The following UBE2R2 variants were observed in gnomAD, a reference collection of about 807,000 sequenced individuals.
UBE2R2 encodes the protein ubiquitin-conjugating enzyme E2 R2.
UBE2R2 carries 1 observed loss-of-function variant against 27.8 expected under a neutral mutation model. The observed-to-expected ratio is 0.04, with a 90% confidence interval of 0.01 to 0.17. The LOEUF is 0.17. UBE2R2 is among the 10% of genes least tolerant of loss of function. The pLI, the probability that UBE2R2 is intolerant of heterozygous loss-of-function variation, is 1.00. For missense variants in UBE2R2, 100 were observed against 291.0 expected, an observed-to-expected ratio of 0.34 and a Z score of 4.78; for synonymous variants, 106 against 113.3, an observed-to-expected ratio of 0.94 and a Z score of 0.41.
chr9:33,832,357 C>CT (rs2130727761), intron 1 of UBE2R2, among the ~76,000 whole-genome samples: 1 of 144,924 alleles, frequency 6.9e-6, no homozygotes, highest in African/African-American at 2.5e-5. Context: ...TTTGGTTGAA[C>CT]TTTAATCAAA....
intron 1 of UBE2R2, among the ~76,000 whole-genome samples, chr9:33,876,634 G>C (rs1379240998): frequency 2.6e-5 from 4 of 152,096 alleles, no homozygotes; most frequent in Admixed American, 6.6e-5. Flanking sequence ...TCAATCATAA[G>C]GCCGGGGGCG....
chr9:33,861,847 CTTTTT>C (rs775634986), intron 1 of UBE2R2, among the ~76,000 whole-genome samples: 4 of 95,456 alleles, frequency 4.2e-5, no homozygotes, highest in Non-Finnish European at 6.4e-5. Flanking sequence ...GATCCACTTT[CTTTTT>C]TTTTTTTTTT....
upstream of UBE2R2, among the ~76,000 whole-genome samples, chr9:33,816,974 C>T (rs1382745709): frequency 2.7e-5 from 4 of 150,352 alleles, no homozygotes; most frequent in African/African-American, 9.7e-5. Context: ...GCGCCGCGAC[C>T]GCGCGGGAGA....
intron 2 of UBE2R2, among the ~76,000 whole-genome samples, chr9:33,892,311 T>A (rs1822005671): frequency 6.6e-6 from 1 of 152,204 alleles, no homozygotes; most frequent in South Asian, 2.1e-4. Context: ...TGAGAGTTCA[T>A]ATAACACTTT....
chr9:33,874,356 ATCT>A (rs1170830825), intron 1 of UBE2R2, among the ~76,000 whole-genome samples: 10 of 152,234 alleles, frequency 6.6e-5, no homozygotes, highest in South Asian at 6.2e-4. Context: ...CAAGTGAAAA[ATCT>A]TCTTTTTTCA....
intron 1 of UBE2R2, among the ~76,000 whole-genome samples, chr9:33,879,288 C>T (rs1821679736): frequency 6.6e-6 from 1 of 152,126 alleles, no homozygotes; most frequent in Non-Finnish European, 1.5e-5. Context: ...CTTAAGATAA[C>T]AGCTGAGTTG....
chr9:33,888,647 G>A (rs1304014902), intron 2 of UBE2R2, among the ~76,000 whole-genome samples: 1 of 152,110 alleles, frequency 6.6e-6, no homozygotes, highest in African/African-American at 2.4e-5. Flanking sequence ...TTCTTGGGTA[G>A]CTGGGACTAC....
chr9:33,890,329 A>C (rs1300812257), intron 2 of UBE2R2, among the ~76,000 whole-genome samples: 1 of 151,638 alleles, frequency 6.6e-6, no homozygotes, highest in Non-Finnish European at 1.5e-5. Flanking sequence ...CTCACCCTAT[A>C]ATCCCAGCAC....
At chr9:33,830,304 C>T (rs1010667720) in intron 1 of UBE2R2, among the ~76,000 whole-genome samples, 2 of 150,638 alleles carry the variant, frequency 1.3e-5, no homozygotes, top group Non-Finnish European at 3.0e-5. Flanking sequence ...ACTACAGGCG[C>T]ATGCCACCAT....
intron 3 of UBE2R2, among the ~76,000 whole-genome samples, chr9:33,909,471 A>G (rs1822439290): frequency 6.6e-6 from 1 of 152,184 alleles, no homozygotes; most frequent in African/African-American, 2.4e-5. Context: ...CTGGGCGACG[A>G]GTGAAACCCC....
Position 33,913,446 on chromosome 9 carries a change from G to C in UBE2R2, c.497+1348G>C, listed in dbSNP as rs184500392. On this transcript the variant is annotated intron_variant, in intron 4 of 4. Coordinates refer to ENST00000263228, the MANE Select transcript of UBE2R2 (RefSeq NM_017811.4). ...GCTAATTTCTATTATTATTTTTGTA[G>C]AGATGAGGTCTTGCTGTGTTGCCCA... Among the ~76,000 whole-genome samples the C allele has an allele frequency of 1.6e-4, 24 of 152,140 alleles. 1 individual carries two copies. The Middle Eastern group carries it at 0.01, about 65-fold the overall frequency.
chr9:33,815,931 G>A (rs1243182751), upstream of UBE2R2, among the ~76,000 whole-genome samples: 2 of 152,078 alleles, frequency 1.3e-5, no homozygotes, highest in Non-Finnish European at 2.9e-5. Context: ...TTAAACAGCC[G>A]GGTGTGGAGG....
At chr9:33,829,792 CGTTTTT>C (rs1416116481) in intron 1 of UBE2R2, among the ~76,000 whole-genome samples, 1 of 119,334 alleles carries the variant, frequency 8.4e-6, no homozygotes, top group Non-Finnish European at 1.7e-5. Context: ...TTAGTGCAAT[CGTTTTT>C]TTTTTTTTTT....
At chr9:33,883,929 G>A (rs1025549078) in intron 1 of UBE2R2, among the ~76,000 whole-genome samples, 2 of 151,846 alleles carry the variant, frequency 1.3e-5, no homozygotes, top group Admixed American at 6.6e-5. Flanking sequence ...TTGGGAGGCC[G>A]AGGCGTGGGG....
chr9:33,865,813 G>T (rs916405269), intron 1 of UBE2R2, among the ~76,000 whole-genome samples: 25 of 148,374 alleles, frequency 1.7e-4, no homozygotes, highest in African/African-American at 5.7e-4. Flanking sequence ...TCCACATTTA[G>T]TTTTTTTGTG....
At chr9:33,900,465 A>G (rs1043690918) in intron 3 of UBE2R2, among the ~76,000 whole-genome samples, 194 bp downstream of exon 3, 13 of 152,206 alleles carry the variant, frequency 8.5e-5, no homozygotes, top group African/African-American at 2.9e-4. Flanking sequence ...ACAATAATGT[A>G]TATGATTCTC....
rs1820563258 is a variant in UBE2R2, at chr9:33,834,265, G to A, written c.177+16331G>A. On this transcript the variant is annotated intron_variant, in intron 1 of 4. Coordinates refer to ENST00000263228, the MANE Select transcript of UBE2R2 (RefSeq NM_017811.4). ...GCCCAGGCTGGAGTGTGATGGCTCA[G>A]TCTCGGCTCACTGCAACCTCCGTCT... 4.7e-5 allele frequency among the ~76,000 whole-genome samples: 7 copies of A among 149,118 alleles called. No homozygotes were observed. In the South Asian group the frequency reaches 1.5e-3, roughly 32 times the overall value.
At chr9:33,859,760 TTGTGTGTGTGTGTGTGTG>T (rs57089790) in intron 1 of UBE2R2, among the ~76,000 whole-genome samples, 2,258 of 130,718 alleles carry the variant, frequency 0.017, 33 homozygotes, top group South Asian at 0.036. Context: ...TCTAAGCCTT[TTGTGTGTGTGTGTGTGTG>T]TGTGTGTGTG....
intron 1 of UBE2R2, among the ~76,000 whole-genome samples, chr9:33,875,745 C>T (rs1191585640): frequency 6.6e-6 from 1 of 152,066 alleles, no homozygotes; most frequent in Admixed American, 6.6e-5. Context: ...AAAGACAATG[C>T]TTAGAATTGT....
Sources: gnomAD v4.1 joint callset for allele counts (sites outside exome capture counted in the v4.1 genomes callset) on GRCh38, gnomAD v4.1.1 for gene constraint, MANE v1.5 for transcripts, NCBI Gene and HGNC (gene_info 2026-07-23, HGNC 2026-07-21) for gene names.